CASZ1: variants seen among roughly 807,000 people sequenced by gnomAD.
CASZ1 encodes the protein castor zinc finger 1.
Under a neutral mutation model 135.2 loss-of-function variants are expected in CASZ1, and 28 were observed. The observed-to-expected ratio is 0.21, with a 90% CI of 0.15 to 0.28. The LOEUF is 0.28. Ranked by LOEUF, CASZ1 falls within the 10% of genes least tolerant of loss-of-function variation. CASZ1 has a pLI of 1.00. For synonymous variants in CASZ1, 1,068 were observed against 1,073.4 expected, an observed-to-expected ratio of 0.99 and a Z score of 0.10; for missense variants, 2,161 against 2,453.3, an observed-to-expected ratio of 0.88 and a Z score of 2.52.
chr1:10,774,194 G>A lies in CASZ1; in HGVS notation c.-233-13337C>T, dbSNP rs1409620269. ...TAGAGTTTTGGGTGGAAATCCACCC[G>A]GAGTGCACCCTCCCACCTGACACCG... On this transcript the variant is annotated intron_variant, in intron 1 of 20. Coordinates refer to ENST00000377022, the MANE Select transcript of CASZ1 (RefSeq NM_001079843.3). This position sits in a 1 kb window ranked among gnomAD's most constrained non-coding sequence, Gnocchi z 4.4. Among the ~76,000 whole-genome samples the A allele has an allele frequency of 6.6e-6, 1 of 152,086 alleles. No individual in the cohort carries two copies. Among genetic ancestry groups the A allele is most frequent in the Non-Finnish European group, 1.5e-5 (1 of 68,012 alleles).
Position 10,707,669 on chromosome 1 carries a change from C to G in CASZ1, c.-76-2125G>C, listed in dbSNP as rs1639204995. On this transcript the variant is annotated intron_variant, in intron 2 of 20. Coordinates refer to ENST00000377022, the MANE Select transcript of CASZ1 (RefSeq NM_001079843.3). The surrounding 1 kb of genome is among the most constrained non-coding windows in gnomAD (Gnocchi z 5.0). The stretch of plus-strand genomic sequence containing the variant: ...AGCTGTCCCTGGGTGGGATCTGGGA[C>G]CCTGGGATACTGGGACCCCAGTGGG... Among the ~76,000 whole-genome samples, 1 of 151,998 alleles carries G rather than the reference C, an allele frequency of 6.6e-6. No individual in the cohort carries two copies. Among genetic ancestry groups the G allele is most frequent in the African/African-American group, 2.4e-5 (1 of 41,336 alleles).
intron 1 of CASZ1, among the ~76,000 whole-genome samples, chr1:10,787,854 C>T (rs1640886951): frequency 6.6e-6 from 1 of 152,218 alleles, no homozygotes; most frequent in South Asian, 2.1e-4. Flanking sequence ...CCCACCGGCT[C>T]AGGCACCAGC....
intron 15 of CASZ1, 91 bp downstream of exon 15, chr1:10,648,979 G>T: frequency 6.6e-7 from 1 of 1,515,996 alleles, no homozygotes; most frequent in South Asian, 1.2e-5. Flanking sequence ...GGCCCAGCGG[G>T]AACTGCTGTA....
rs1460354834 is a variant in CASZ1 at position 10,656,750 on chromosome 1, G to A, written c.1410-14C>T. 1 of 1,563,250 alleles carries A rather than the reference G, an allele frequency of 6.4e-7. No homozygotes were observed. The highest frequency in any genetic ancestry group is 8.7e-7 in the Non-Finnish European group (1 of 1,149,128). Reference sequence around the variant, plus strand: ...CTGCCCGAGAACCTGGAGGGAGGAGGGGTGGGGTCAGGGCCCTGCTGTGGG... The same window carrying A: ...CTGCCCGAGAACCTGGAGGGAGGAGAGGTGGGGTCAGGGCCCTGCTGTGGG... On this transcript the variant is annotated splice_polypyrimidine_tract_variant and intron_variant, in intron 7 of 20. Transcript: ENST00000377022.
At chr1:10,793,269 G>T (rs1309468386) in intron 1 of CASZ1, among the ~76,000 whole-genome samples, 5 of 152,040 alleles carry the variant, frequency 3.3e-5, no homozygotes, top group Admixed American at 2.0e-4. Context: ...GTGGTGAAAT[G>T]ATCTGTTTTA....
rs1365035269 is a variant in CASZ1 at position 10,725,503 on chromosome 1, A to G, written c.-76-19959T>C. ...GCTCAATTTCTTATTGGATTTCTCA[A>G]AAAACCTGACATTTTAAATTAATTT... On this transcript the variant is annotated intron_variant, in intron 2 of 20. Transcript: ENST00000377022. This position sits in a 1 kb window ranked among gnomAD's most constrained non-coding sequence, Gnocchi z 4.4. 6.6e-6 allele frequency among the ~76,000 whole-genome samples: 1 copy of G among 152,220 alleles called. No homozygotes were observed. Among genetic ancestry groups the G allele is most frequent in the Admixed American group, 6.5e-5 (1 of 15,282 alleles).
intron 4 of CASZ1, among the ~76,000 whole-genome samples, chr1:10,669,797 C>G (rs547976515): frequency 5.3e-5 from 8 of 151,990 alleles, no homozygotes; most frequent in African/African-American, 1.7e-4. Context: ...GGGGGCCGGG[C>G]AGGCCTGGCA....
At chr1:10,704,884 G>A (rs943013229) in intron 3 of CASZ1, among the ~76,000 whole-genome samples, 2 of 152,266 alleles carry the variant, frequency 1.3e-5, no homozygotes, top group Non-Finnish European at 1.5e-5. Flanking sequence ...GCTGGGCCAG[G>A]CTGGGGCAGC....
At position 10,646,948 on chromosome 1, in the gene CASZ1, G is replaced by A. The variant is rs1398561153; in HGVS notation, c.3498-622C>T. On this transcript the variant is annotated intron_variant, in intron 16 of 20. Coordinates refer to ENST00000377022, the MANE Select transcript of CASZ1 (RefSeq NM_001079843.3). This position sits in a 1 kb window ranked among gnomAD's most constrained non-coding sequence, Gnocchi z 6.4. ...TGGGGCAGAGCGGGTGTGCTGGCCT[G>A]CCCTAGGCCGCCTCCAGGATGCAGA... 1.2e-4 allele frequency among the ~76,000 whole-genome samples: 19 copies of A among 152,162 alleles called. No homozygotes were observed. The highest frequency in any genetic ancestry group is 1.2e-3 in the Admixed American group (19 of 15,292).
At chr1:10,660,739 G>A (rs1642996548) in intron 5 of CASZ1, 1 of 565,768 alleles carries the variant, frequency 1.8e-6, no homozygotes. Flanking sequence ...ATTAATACTG[G>A]GGTAAAATAA....
At chr1:10,740,292 C>T (rs1050718593) in intron 2 of CASZ1, among the ~76,000 whole-genome samples, 5 of 152,308 alleles carry the variant, frequency 3.3e-5, no homozygotes, top group African/African-American at 1.2e-4. Flanking sequence ...ACTTCAGGCC[C>T]CAGCTCTGCC....
At chr1:10,650,617 C>T (rs1642536361) in intron 13 of CASZ1, 75 bp downstream of exon 13, 1 of 1,277,444 alleles carries the variant, frequency 7.8e-7, no homozygotes, top group Middle Eastern at 1.8e-4. Context: ...AAAACAAACA[C>T]ATCCCCCCAC....
Position 10,726,314 on chromosome 1 carries a change from G to A in CASZ1, c.-76-20770C>T, listed in dbSNP as rs1226030978. ...AAATGAGGCTTGGGGAGGTGAAACC[G>A]GGTCTCCCCAGCTTGGGGCTACTGA... On this transcript the variant is annotated intron_variant, in intron 2 of 20. Coordinates refer to ENST00000377022, the MANE Select transcript of CASZ1 (RefSeq NM_001079843.3). This position sits in a 1 kb window ranked among gnomAD's most constrained non-coding sequence, Gnocchi z 5.7. Among the ~76,000 whole-genome samples, 9 of 151,004 alleles carry A rather than the reference G, an allele frequency of 6.0e-5. No individual in the cohort carries two copies. The highest frequency in any genetic ancestry group is 2.0e-4 in the Admixed American group (3 of 15,224).
Position 10,639,275 on chromosome 1 carries a change from G to A in CASZ1, c.4947C>T (p.Pro1649=), listed in dbSNP as rs941075221. 41 of 1,100,398 alleles carry A rather than the reference G, an allele frequency of 3.7e-5. 1 individual carries two copies. In the South Asian group the frequency reaches 6.2e-4, roughly 17 times the overall value. 68.2% of individuals were successfully genotyped at this position (1,100,398 alleles called of 1,614,324 possible). A position where few individuals can be genotyped will look rare whatever the true frequency, so the allele number is the denominator to read the frequency against. The change falls in exon 21 of 21, where the codon CCC becomes CCT. Residue 1649 remains proline (P), a synonymous_variant. Transcript: ENST00000377022. This position sits in a 1 kb window ranked among gnomAD's most constrained non-coding sequence, Gnocchi z 4.0. Reference sequence around the variant, plus strand: ...CGGGGGCGGCGGCGTCGGGCGGGCCGGGGTCGCCCGCGTCGCCCAGCGCCA... The same window carrying A: ...CGGGGGCGGCGGCGTCGGGCGGGCCAGGGTCGCCCGCGTCGCCCAGCGCCA... ...LGLALGDAGD[P]GPPDAAAPGP...
intron 1 of CASZ1, among the ~76,000 whole-genome samples, chr1:10,783,200 A>G (rs999189068): frequency 3.3e-5 from 5 of 151,822 alleles, no homozygotes; most frequent in Non-Finnish European, 5.9e-5. Context: ...CTGCTTTAAT[A>G]TTTGGGGTTT....
At chr1:10,642,501 G>A (rs1380963393) in intron 20 of CASZ1, among the ~76,000 whole-genome samples, 2 of 147,978 alleles carry the variant, frequency 1.4e-5, no homozygotes, top group African/African-American at 2.7e-5. Flanking sequence ...AGAGAGAGGC[G>A]GGGCAGTGCC....
At chr1:10,752,118 G>T (rs759807038) in intron 2 of CASZ1, among the ~76,000 whole-genome samples, 15 of 152,322 alleles carry the variant, frequency 9.8e-5, no homozygotes, top group Middle Eastern at 3.4e-3. Context: ...CCCAGTTGGG[G>T]TGGGCATGGA....
chr1:10,657,270 G>T lies in CASZ1; in HGVS notation c.1410-534C>A, dbSNP rs181275062. ...TCACTCTCCAGCCGCCGCCGCCACC[G>T]CCAGGAACCTGTGCTGCCTCCCAGG... On this transcript the variant is annotated intron_variant, in intron 7 of 20. Transcript: ENST00000377022. The surrounding 1 kb of genome is among the most constrained non-coding windows in gnomAD (Gnocchi z 5.7). 6.6e-6 allele frequency among the ~76,000 whole-genome samples: 1 copy of T among 152,346 alleles called. No individual in the cohort carries two copies. Among genetic ancestry groups the T allele is most frequent in the East Asian group, 1.9e-4 (1 of 5,176 alleles).
rs368475799 is a variant in CASZ1, at chr1:10,660,043, G to A, written c.999C>T (p.Tyr333=). 5.6e-6 allele frequency: 9 copies of A among 1,614,056 alleles called. No individual in the cohort carries two copies. In the African/African-American group the frequency reaches 1.2e-4, roughly 22 times the overall value. The part of the protein sequence containing the change: ...ENLRPQNGST[Y]KKPSKYDLEN... ...CCAGGTCGTACTTGGATGGCTTCTT[G>A]TAGGTGCTCCCGTTCTGGGGCCGCA... Residue 333 remains tyrosine (Y), a synonymous_variant, in exon 6 of 21, where the codon TAC becomes TAT. Coordinates refer to ENST00000377022, the MANE Select transcript of CASZ1 (RefSeq NM_001079843.3).
Sources: gnomAD v4.1 joint callset for allele counts (sites outside exome capture counted in the v4.1 genomes callset) on GRCh38, gnomAD v4.1.1 for gene constraint, Gnocchi (gnomAD v3.1) non-coding constraint, MANE v1.5 for transcripts, NCBI Gene and HGNC (gene_info 2026-07-23, HGNC 2026-07-21) for gene names.